PPFIA2: variants seen among roughly 807,000 people sequenced by gnomAD.
PPFIA2 encodes the protein liprin-alpha-2.
A neutral mutation model predicts 175.5 loss-of-function variants in PPFIA2; 46 were observed. The observed-to-expected ratio is 0.26, with a 90% confidence interval of 0.21 to 0.34. PPFIA2 has a LOEUF of 0.34. PPFIA2 is among the 10% of genes least tolerant of loss of function. The pLI, the probability that PPFIA2 is intolerant of heterozygous loss-of-function variation, is 1.00. For missense variants in PPFIA2, 1,179 were observed against 1,506.1 expected, an observed-to-expected ratio of 0.78 and a Z score of 3.60; for synonymous variants, 568 against 511.4, an observed-to-expected ratio of 1.11 and a Z score of -1.49.
chr12:81,304,229 C>T (rs2048584405), intron 22 of PPFIA2, among the ~76,000 whole-genome samples: 1 of 152,130 alleles, frequency 6.6e-6, no homozygotes, highest in African/African-American at 2.4e-5. Flanking sequence ...TTTGTTGGTT[C>T]ACAAGTTGTG....
chr12:81,332,863 G>A (rs1393907644), intron 21 of PPFIA2, among the ~76,000 whole-genome samples: 3 of 152,084 alleles, frequency 2.0e-5, no homozygotes, highest in Non-Finnish European at 4.4e-5. Flanking sequence ...ATAGAATGTG[G>A]ACAACTACAT....
At chr12:81,726,878 T>C (rs551346303) in intron 3 of PPFIA2, among the ~76,000 whole-genome samples, 14 of 151,410 alleles carry the variant, frequency 9.2e-5, no homozygotes, top group Non-Finnish European at 1.6e-4. Context: ...CTGAGAACCA[T>C]TGAATGACCT....
intron 24 of PPFIA2, among the ~76,000 whole-genome samples, chr12:81,289,886 A>G (rs2044447541): frequency 6.6e-6 from 1 of 151,714 alleles, no homozygotes; most frequent in East Asian, 1.9e-4. Context: ...CTCCATCTCT[A>G]TCCTACTAGG....
At chr12:81,337,391 T>C (rs2057303938) in intron 21 of PPFIA2, among the ~76,000 whole-genome samples, 1 of 152,146 alleles carries the variant, frequency 6.6e-6, no homozygotes, top group Non-Finnish European at 1.5e-5. Context: ...TTTGCTAGTT[T>C]CTGACTTTGG....
intron 3 of PPFIA2, among the ~76,000 whole-genome samples, chr12:81,712,042 C>T (rs968184799): frequency 7.3e-5 from 11 of 151,050 alleles, no homozygotes; most frequent in East Asian, 2.0e-4. Flanking sequence ...CATTCTCATA[C>T]GTTTTATACT....
In PPFIA2 at chr12:81,713,128, G is replaced by A. The variant is rs565013104; in HGVS notation, c.250-36284C>T. Among the ~76,000 whole-genome samples, 19 of 151,134 alleles carry A rather than the reference G, an allele frequency of 1.3e-4. 2 individuals carry two copies. In the East Asian group the frequency reaches 3.4e-3, roughly 27 times the overall value. ...TTTTTGAAATGATTTTAATACTTTA[G>A]TACAAAATTATTAGAAAATATGATA... On this transcript the variant is annotated intron_variant, in intron 3 of 32. Transcript: ENST00000549396.
intron 4 of PPFIA2, among the ~76,000 whole-genome samples, chr12:81,658,142 C>G (rs951584946): frequency 1.3e-4 from 20 of 151,902 alleles, no homozygotes; most frequent in Admixed American, 1.3e-4. Context: ...GTGTCATATG[C>G]CTGTAGTCAC....
intron 4 of PPFIA2, among the ~76,000 whole-genome samples, chr12:81,551,774 T>C (rs2067968947): frequency 6.6e-6 from 1 of 151,972 alleles, no homozygotes; most frequent in African/African-American, 2.4e-5. Flanking sequence ...TCTTTTCAAA[T>C]AAGCATATTT....
At chr12:81,473,125 G>A (rs1009672496) in intron 4 of PPFIA2, among the ~76,000 whole-genome samples, 1 of 152,004 alleles carries the variant, frequency 6.6e-6, no homozygotes, top group Non-Finnish European at 1.5e-5. Flanking sequence ...ACTGCATGTA[G>A]GGCCGGGTGC....
At chr12:81,381,555 G>T (rs191916926) in intron 9 of PPFIA2, among the ~76,000 whole-genome samples, 1 of 152,178 alleles carries the variant, frequency 6.6e-6, no homozygotes, top group African/African-American at 2.4e-5. Flanking sequence ...TGGAGAGAAT[G>T]AACAACAGAC....
chr12:81,637,014 T>C (rs7959273), intron 4 of PPFIA2, among the ~76,000 whole-genome samples: 9,524 of 152,094 alleles, frequency 0.063, 425 homozygotes, highest in East Asian at 0.25. Flanking sequence ...TAACCATTCA[T>C]TGTTGTATAA....
intron 4 of PPFIA2, among the ~76,000 whole-genome samples, chr12:81,595,587 T>C (rs2059156686): frequency 1.3e-5 from 2 of 152,100 alleles, no homozygotes; most frequent in Non-Finnish European, 2.9e-5. Context: ...GGAATTAGCT[T>C]AAATTGAGTG....
rs542339664 is a variant in PPFIA2, at chr12:81,272,557, A to T, written c.3311-4470T>A. On this transcript the variant is annotated intron_variant, in intron 28 of 32. Coordinates refer to ENST00000549396, the MANE Select transcript of PPFIA2 (RefSeq NM_003625.5). Reference sequence around the variant, plus strand: ...AACATATTGATTCCAACTATATTAAATTCTCCATTTTCTCACTTATATTCC... The same window carrying T: ...AACATATTGATTCCAACTATATTAATTTCTCCATTTTCTCACTTATATTCC... Among the ~76,000 whole-genome samples the T allele has an allele frequency of 2.1e-4, 32 of 152,284 alleles. No individual in the cohort carries two copies. The East Asian group carries it at 5.6e-3, about 27-fold the overall frequency.
chr12:81,403,407 T>C (rs1448540770), intron 8 of PPFIA2, among the ~76,000 whole-genome samples: 4 of 152,210 alleles, frequency 2.6e-5, no homozygotes, highest in Non-Finnish European at 5.9e-5. Context: ...TCATAAACTG[T>C]CTTACATTCT....
chr12:81,441,971 A>G (rs1051534805), intron 6 of PPFIA2, among the ~76,000 whole-genome samples: 10 of 152,136 alleles, frequency 6.6e-5, no homozygotes, highest in Admixed American at 5.2e-4. Flanking sequence ...CATTCGCATA[A>G]TATAAGAAAT....
chr12:81,514,590 A>T (rs535189192), intron 4 of PPFIA2, among the ~76,000 whole-genome samples: 1 of 152,008 alleles, frequency 6.6e-6, no homozygotes, highest in African/African-American at 2.4e-5. Flanking sequence ...ATGCAAGTAA[A>T]CTCACTTACT....
intron 4 of PPFIA2, among the ~76,000 whole-genome samples, chr12:81,491,042 T>C (rs1445436546): frequency 6.6e-6 from 1 of 151,950 alleles, no homozygotes; most frequent in East Asian, 1.9e-4. Flanking sequence ...ACTGTGCAAT[T>C]GTTTTCCTTC....
At chr12:81,745,835 C>T (rs2082971364) in intron 3 of PPFIA2, among the ~76,000 whole-genome samples, 1 of 152,172 alleles carries the variant, frequency 6.6e-6, no homozygotes, top group Non-Finnish European at 1.5e-5. Context: ...CTAAAGGAAA[C>T]CTGTTAAGCT....
At chr12:81,352,376 A>G (rs532066697) in intron 17 of PPFIA2, among the ~76,000 whole-genome samples, 52 of 141,524 alleles carry the variant, frequency 3.7e-4, no homozygotes, top group African/African-American at 1.3e-3. Context: ...TGGGGGGCAG[A>G]CAGAGAGAGA....
Sources: gnomAD v4.1 joint callset for allele counts (sites outside exome capture counted in the v4.1 genomes callset) on GRCh38, gnomAD v4.1.1 for gene constraint, MANE v1.5 for transcripts, NCBI Gene and HGNC (gene_info 2026-07-23, HGNC 2026-07-21) for gene names.